Variants in NALF1 observed in about 807,000 individuals in gnomAD.
The protein encoded by NALF1 is family with sequence similarity 155 member A.
In NALF1, 3 loss-of-function variants were observed where a neutral mutation model predicts 48.4. The observed-to-expected ratio is 0.06, with a 90% CI of 0.03 to 0.16. The LOEUF (loss-of-function observed/expected upper bound fraction) is 0.16, where lower values mean the gene tolerates loss of function less well. NALF1 is among the 10% of genes least tolerant of loss of function. The probability of loss-of-function intolerance (pLI) is 1.00; values close to 1 mark genes in which losing one functional copy is unlikely to be tolerated. For missense variants in NALF1, 526 were observed against 571.5 expected (o/e 0.92, Z 0.81); for synonymous variants, 262 against 245.7 (o/e 1.07, Z -0.62).
chr13:107,469,083 G>A (rs953002496), intron 1 of NALF1, among the ~76,000 whole-genome samples: 2 of 151,948 alleles, frequency 1.3e-5, no homozygotes, highest in Admixed American at 1.3e-4. Context: ...TTTCTAAAAT[G>A]AGCTTCAGAA....
intron 1 of NALF1, among the ~76,000 whole-genome samples, chr13:107,696,908 T>C (rs1425367204): frequency 6.6e-6 from 1 of 152,176 alleles, no homozygotes; most frequent in Non-Finnish European, 1.5e-5. Flanking sequence ...ACACGTATCA[T>C]TCCTTAAAAT....
At chr13:107,334,292 G>A (rs887213409) in intron 1 of NALF1, among the ~76,000 whole-genome samples, 2 of 152,132 alleles carry the variant, frequency 1.3e-5, no homozygotes, top group African/African-American at 4.8e-5. Context: ...TGCTTTATTG[G>A]TGAATCTGAT....
At chr13:107,771,150 T>G (rs1417609107) in intron 1 of NALF1, among the ~76,000 whole-genome samples, 1 of 152,196 alleles carries the variant, frequency 6.6e-6, no homozygotes, top group Admixed American at 6.6e-5. Flanking sequence ...AAAACAAATC[T>G]TACCAAAATG....
chr13:107,630,132 C>T (rs946940050), intron 1 of NALF1, among the ~76,000 whole-genome samples: 6 of 152,034 alleles, frequency 3.9e-5, no homozygotes, highest in Non-Finnish European at 8.8e-5. Flanking sequence ...TAGCCTACTG[C>T]TCAAGGTCAT....
At chr13:107,401,856 T>C (rs1383035473) in intron 1 of NALF1, among the ~76,000 whole-genome samples, 2 of 152,194 alleles carry the variant, frequency 1.3e-5, no homozygotes, top group Non-Finnish European at 2.9e-5. Flanking sequence ...ATACTTTTTA[T>C]ACAAATAGTT....
intron 1 of NALF1, among the ~76,000 whole-genome samples, chr13:107,445,057 C>A (rs1413575398): frequency 1.3e-5 from 2 of 152,090 alleles, no homozygotes; most frequent in Non-Finnish European, 2.9e-5. Context: ...GTATCCAAAT[C>A]AAAAATTTGA....
intron 1 of NALF1, among the ~76,000 whole-genome samples, chr13:107,657,268 TAGAG>T (rs1381042397): frequency 6.6e-6 from 1 of 151,858 alleles, no homozygotes; most frequent in African/African-American, 2.4e-5. Flanking sequence ...TGTGTGTATA[TAGAG>T]AGAGAGAGAG....
chr13:107,418,323 T>C (rs1344190567), intron 1 of NALF1, among the ~76,000 whole-genome samples: 1 of 151,982 alleles, frequency 6.6e-6, no homozygotes, highest in African/African-American at 2.4e-5. Context: ...CTTACTGCCT[T>C]AGTTCTGATG....
chr13:107,664,392 T>A (rs1880804707), intron 1 of NALF1, among the ~76,000 whole-genome samples: 1 of 152,132 alleles, frequency 6.6e-6, no homozygotes, highest in South Asian at 2.1e-4. Context: ...CTACTGACAC[T>A]CTTGCTACGC....
chr13:107,330,703 C>T (rs1216755823), intron 1 of NALF1, among the ~76,000 whole-genome samples: 2 of 152,200 alleles, frequency 1.3e-5, no homozygotes, highest in Admixed American at 1.3e-4. Context: ...AATAAATGTG[C>T]TTCCAGGAAT....
chr13:107,858,530 T>A (rs117766029), intron 1 of NALF1, among the ~76,000 whole-genome samples: 7 of 152,032 alleles, frequency 4.6e-5, no homozygotes, highest in African/African-American at 1.7e-4. Context: ...CTATTACAAA[T>A]CCAAAAAATT....
chr13:107,320,488 C>T (rs917955231), intron 1 of NALF1, among the ~76,000 whole-genome samples: 2 of 152,080 alleles, frequency 1.3e-5, no homozygotes, highest in Admixed American at 6.6e-5. Context: ...TCCTTAGTTG[C>T]AGAGAATGAG....
intron 1 of NALF1, among the ~76,000 whole-genome samples, chr13:107,603,180 C>T (rs1878978819): frequency 6.6e-6 from 1 of 152,088 alleles, no homozygotes; most frequent in Non-Finnish European, 1.5e-5. Context: ...ATTAGTTTTA[C>T]AATTTAGACA....
intron 1 of NALF1, among the ~76,000 whole-genome samples, chr13:107,499,037 A>G (rs1875429784): frequency 1.3e-5 from 2 of 152,168 alleles, no homozygotes; most frequent in Admixed American, 1.3e-4. Flanking sequence ...ACATAAACAC[A>G]ATGCAGCTTA....
At chr13:107,668,408 G>A (rs990558127) in intron 1 of NALF1, among the ~76,000 whole-genome samples, 1 of 151,936 alleles carries the variant, frequency 6.6e-6, no homozygotes, top group East Asian at 1.9e-4. Flanking sequence ...ACAGGGATCC[G>A]AAGAGCTGGT....
intron 1 of NALF1, among the ~76,000 whole-genome samples, chr13:107,302,746 G>A (rs1241036613): frequency 1.3e-5 from 2 of 152,204 alleles, no homozygotes; most frequent in East Asian, 3.8e-4. Flanking sequence ...CCAGACTAAT[G>A]TGCCTGCCAG....
intron 1 of NALF1, among the ~76,000 whole-genome samples, chr13:107,257,552 G>A (rs1176377327): frequency 1.3e-5 from 2 of 150,388 alleles, no homozygotes; most frequent in African/African-American, 4.9e-5. Flanking sequence ...CTCTGGGATA[G>A]TTTTAAGGGC....
chr13:107,254,431 C>T (rs544391982), intron 1 of NALF1, among the ~76,000 whole-genome samples: 3 of 152,238 alleles, frequency 2.0e-5, no homozygotes, highest in Middle Eastern at 3.4e-3. Context: ...GAACTTTGTT[C>T]GTGTTCCACA....
chr13:107,403,514 C>T lies in NALF1; in HGVS notation c.916-192759G>A, dbSNP rs1594157377. Among the ~76,000 whole-genome samples, 4 of 151,834 alleles carry T rather than the reference C, an allele frequency of 2.6e-5. No individual in the cohort carries two copies. The South Asian group carries it at 6.2e-4, about 24-fold the overall frequency. ...CTCTGTTTATTTGGTCCTTAAAGTACATAATTCAACATTTCAGATTTGCTC... is the reference window on the plus strand; with the variant it reads ...CTCTGTTTATTTGGTCCTTAAAGTATATAATTCAACATTTCAGATTTGCTC... On this transcript the variant is annotated intron_variant, in intron 1 of 2. Transcript: ENST00000375915.
Sources: gnomAD v4.1 joint callset for allele counts (sites outside exome capture counted in the v4.1 genomes callset) on GRCh38, gnomAD v4.1.1 for gene constraint, MANE v1.5 for transcripts, NCBI Gene and HGNC (gene_info 2026-07-23, HGNC 2026-07-21) for gene names.